The following CDK15 variants were observed in gnomAD, a reference collection of about 807,000 sequenced individuals.
CDK15 encodes cyclin dependent kinase 15.
CDK15 carries 62 observed loss-of-function variants against 60.3 expected under a neutral mutation model. The ratio of observed to expected loss-of-function variants is 1.03; its 90% CI spans 0.84 to 1.27. CDK15 has a LOEUF of 1.27. Ranked by LOEUF, CDK15 falls within the 50% of genes most tolerant of loss-of-function variation. The pLI, the probability that CDK15 is intolerant of heterozygous loss-of-function variation, is 0.00. For synonymous variants in CDK15, 194 were observed against 195.7 expected (o/e 0.99, Z 0.07); for missense variants, 541 against 527.8 (o/e 1.03, Z -0.25).
At chr2:201,869,373 C>CT (rs1698766984) in intron 10 of CDK15, among the ~76,000 whole-genome samples, 1 of 137,014 alleles carries the variant, frequency 7.3e-6, no homozygotes, top group Non-Finnish European at 1.6e-5. Flanking sequence ...ACACCGGGGC[C>CT]TGTCATGGGG....
At chr2:201,810,475 C>A (rs1309077670) in intron 3 of CDK15, among the ~76,000 whole-genome samples, 1 of 151,104 alleles carries the variant, frequency 6.6e-6, no homozygotes, top group Non-Finnish European at 1.5e-5. Context: ...GACAAAGCTG[C>A]AAAAATATGA....
intron 4 of CDK15, among the ~76,000 whole-genome samples, chr2:201,813,428 G>A (rs1695860262): frequency 6.6e-6 from 1 of 152,178 alleles, no homozygotes; most frequent in African/African-American, 2.4e-5. Context: ...GGATTGCTAT[G>A]CATTTCAGCA....
intron 13 of CDK15, 99 bp from the exon 14 acceptor site, chr2:201,893,202 A>G (rs1699691329): frequency 6.6e-6 from 1 of 152,238 alleles, no homozygotes; most frequent in African/African-American, 2.4e-5. Flanking sequence ...ATCAATATAT[A>G]TAATGCCATC....
At chr2:201,833,747 A>C in intron 6 of CDK15, 101 bp from the exon 7 acceptor site, 1 of 1,031,562 alleles carries the variant, frequency 9.7e-7, no homozygotes. Context: ...CTCTCAAGAG[A>C]CACTTTTACT....
At chr2:201,883,995 C>T (rs972633231) in intron 12 of CDK15, among the ~76,000 whole-genome samples, 11 of 152,176 alleles carry the variant, frequency 7.2e-5, no homozygotes, top group Admixed American at 6.5e-5. Flanking sequence ...AAACTGGCTC[C>T]GCTCTGTTCT....
At chr2:201,860,859 T>C (rs765729856) in intron 10 of CDK15, 1 of 1,351,968 alleles carries the variant, frequency 7.4e-7, no homozygotes, top group African/African-American at 1.5e-5. Flanking sequence ...AGAGCTTCAC[T>C]GCGTCTGAAA....
chr2:201,861,270 C>T (rs1238334918), intron 10 of CDK15: 12 of 996,192 alleles, frequency 1.2e-5, no homozygotes, highest in Non-Finnish European at 1.4e-5. Flanking sequence ...ATTGCTAATC[C>T]TATTACTGCC....
chr2:201,833,734 GGTC>G, intron 6 of CDK15, 111 bp from the exon 7 acceptor site: 3 of 299,348 alleles, frequency 1.0e-5, no homozygotes, highest in Non-Finnish European at 1.4e-5. Context: ...TTTTTTTTTT[GGTC>G]TCTCAAGAGA....
chr2:201,865,716 C>G (rs1698595322), intron 10 of CDK15, among the ~76,000 whole-genome samples: 1 of 151,678 alleles, frequency 6.6e-6, no homozygotes, highest in Non-Finnish European at 1.5e-5. Flanking sequence ...ATGATGAAAC[C>G]CCATCTCTAC....
chr2:201,863,042 G>C (rs1185750132), intron 10 of CDK15, among the ~76,000 whole-genome samples: 6 of 152,164 alleles, frequency 3.9e-5, no homozygotes, highest in African/African-American at 1.4e-4. Flanking sequence ...CTGAATCTAT[G>C]AACCTCGATT....
intron 6 of CDK15, among the ~76,000 whole-genome samples, chr2:201,833,376 T>C (rs1433543753): frequency 6.6e-6 from 1 of 152,170 alleles, no homozygotes; most frequent in Non-Finnish European, 1.5e-5. Flanking sequence ...TGTGGTCTCC[T>C]TGTGTTGTGT....
At chr2:201,834,054 C>A in intron 7 of CDK15, 83 bp downstream of exon 7, 1 of 1,470,872 alleles carries the variant, frequency 6.8e-7, no homozygotes, top group Non-Finnish European at 9.1e-7. Flanking sequence ...CTGGGCCTGG[C>A]CTTTGAAAAC....
chr2:201,819,608 G>C (rs577145144), intron 4 of CDK15, among the ~76,000 whole-genome samples: 38 of 152,322 alleles, frequency 2.5e-4, no homozygotes, highest in Admixed American at 5.9e-4. Flanking sequence ...CAGGGAAGCA[G>C]GCATTTGCAA....
intron 4 of CDK15, among the ~76,000 whole-genome samples, chr2:201,814,563 C>T (rs1349857195): frequency 6.6e-6 from 1 of 152,114 alleles, no homozygotes; most frequent in African/African-American, 2.4e-5. Context: ...CCTGTAAGAA[C>T]TTTAAGGATG....
intron 10 of CDK15, among the ~76,000 whole-genome samples, chr2:201,864,587 G>A (rs1698535593): frequency 6.6e-6 from 1 of 152,182 alleles, no homozygotes; most frequent in African/African-American, 2.4e-5. Flanking sequence ...CCAAAGTGCT[G>A]GGATTACAGG....
intron 11 of CDK15, among the ~76,000 whole-genome samples, chr2:201,876,304 T>A (rs1023734054): frequency 4.6e-5 from 7 of 152,154 alleles, no homozygotes; most frequent in Admixed American, 2.6e-4. Context: ...TGTCAGTAAA[T>A]CAACATTTGT....
chr2:201,836,128 T>TA (rs1409921095), intron 8 of CDK15, among the ~76,000 whole-genome samples: 10 of 97,002 alleles, frequency 1.0e-4, no homozygotes, highest in Admixed American at 4.4e-4. Context: ...ATTATATATT[T>TA]TATATATTTA....
At chr2:201,855,234 A>T (rs1485683379) in intron 10 of CDK15, among the ~76,000 whole-genome samples, 1 of 152,220 alleles carries the variant, frequency 6.6e-6, no homozygotes, top group African/African-American at 2.4e-5. Flanking sequence ...TCAAAAGAAC[A>T]ACTCAAAAGA....
intron 11 of CDK15, 128 bp downstream of exon 11, chr2:201,872,454 A>G: frequency 1.0e-6 from 1 of 954,106 alleles, no homozygotes. Flanking sequence ...AAGCTGTAGG[A>G]AGATGCCTCT....
Sources: allele counts gnomAD v4.1 joint callset (sites outside exome capture counted in the v4.1 genomes callset), GRCh38; gene constraint gnomAD v4.1.1; transcripts MANE v1.5; gene names NCBI Gene and HGNC (gene_info 2026-07-23, HGNC 2026-07-21).